The following NRCAM variants were observed in gnomAD, a reference collection of about 807,000 sequenced individuals.
NRCAM encodes the protein neuronal cell adhesion molecule, also known as NgCAM-related cell adhesion molecule.
A neutral mutation model predicts 156.5 loss-of-function variants in NRCAM; 83 were observed. That is an observed-to-expected ratio of 0.53 (90% CI 0.44 to 0.64). The LOEUF (loss-of-function observed/expected upper bound fraction) is 0.64, where lower values mean the gene tolerates loss of function less well. NRCAM is among the 30% of genes least tolerant of loss of function. The pLI, the probability that NRCAM is intolerant of heterozygous loss-of-function variation, is 0.00. For missense variants in NRCAM, 1,417 were observed against 1,597.3 expected (o/e 0.89, Z 1.92); for synonymous variants, 538 against 563.9 (o/e 0.95, Z 0.65).
At chr7:108,405,693 G>A (rs958087924) in intron 1 of NRCAM, among the ~76,000 whole-genome samples, 2 of 151,164 alleles carry the variant, frequency 1.3e-5, no homozygotes, top group African/African-American at 2.4e-5. Context: ...ATGACATTAC[G>A]TTTTAGTTAA....
intron 19 of NRCAM, 65 bp from the exon 20 acceptor site, chr7:108,189,811 T>C: frequency 1.4e-6 from 1 of 706,592 alleles, no homozygotes. Context: ...CCTTTACTCG[T>C]GATACTATTC....
intron 14 of NRCAM, 69 bp downstream of exon 14, chr7:108,197,887 C>A: frequency 1.6e-6 from 2 of 1,224,582 alleles, no homozygotes; most frequent in Non-Finnish European, 1.1e-6. Context: ...TATATTTTTG[C>A]TGATTGAACA....
intron 3 of NRCAM, among the ~76,000 whole-genome samples, chr7:108,249,558 T>C (rs1297185657): frequency 6.6e-6 from 1 of 152,226 alleles, no homozygotes; most frequent in Non-Finnish European, 1.5e-5. Context: ...CAAGAAAATT[T>C]ATCAGGTTTA....
intron 2 of NRCAM, among the ~76,000 whole-genome samples, chr7:108,353,052 TAAA>T (rs58322692): frequency 0.095 from 13,687 of 143,714 alleles, 699 homozygotes; most frequent in African/African-American, 0.15. Flanking sequence ...GTGCTCATTG[TAAA>T]AAAAAAAAAA....
chr7:108,376,866 A>G (rs544525701), intron 2 of NRCAM, among the ~76,000 whole-genome samples: 39 of 152,306 alleles, frequency 2.6e-4, no homozygotes, highest in African/African-American at 9.1e-4. Context: ...TTAATAGAAT[A>G]ACTTTGAGAG....
At chr7:108,429,340 C>T (rs530180179) in intron 1 of NRCAM, among the ~76,000 whole-genome samples, 9 of 152,192 alleles carry the variant, frequency 5.9e-5, no homozygotes, top group African/African-American at 1.9e-4. Flanking sequence ...TACAGATGCC[C>T]GCCACCACGC....
rs139905701 is a variant in NRCAM at position 108,356,505 on chromosome 7, C to G, written c.-174+42931G>C. Reference sequence around the variant, plus strand: ...TACTGTATACCTTTTTTACAAATGTCCCAACAGCAGGATGTTCATGGCTGT... The same window carrying G: ...TACTGTATACCTTTTTTACAAATGTGCCAACAGCAGGATGTTCATGGCTGT... On this transcript the variant is annotated intron_variant, in intron 2 of 32. Transcript: ENST00000379028. 3.4e-3 allele frequency among the ~76,000 whole-genome samples: 520 copies of G among 152,150 alleles called. 3 individuals carry two copies. The highest frequency in any genetic ancestry group is 0.012 in the African/African-American group (479 of 41,508).
chr7:108,293,637 A>G (rs566200175), intron 3 of NRCAM, among the ~76,000 whole-genome samples: 1 of 152,328 alleles, frequency 6.6e-6, no homozygotes, highest in East Asian at 1.9e-4. Context: ...AGTAAATTTG[A>G]TAACTGCCAA....
intron 14 of NRCAM, 70 bp downstream of exon 14, chr7:108,197,886 G>A: frequency 8.4e-7 from 1 of 1,196,070 alleles, no homozygotes; most frequent in Non-Finnish European, 1.1e-6. Context: ...ATATATTTTT[G>A]CTGATTGAAC....
At chr7:108,162,109 G>A (rs1450679356) in intron 30 of NRCAM, among the ~76,000 whole-genome samples, 1 of 152,222 alleles carries the variant, frequency 6.6e-6, no homozygotes, top group Non-Finnish European at 1.5e-5. Flanking sequence ...GTAGGCATCA[G>A]AAATAAATCC....
At chr7:108,194,212 A>T (rs2073671665) in intron 16 of NRCAM, 41 bp from the exon 17 acceptor site, 1 of 1,611,710 alleles carries the variant, frequency 6.2e-7, no homozygotes, top group Non-Finnish European at 8.5e-7. Context: ...GCAAAGCTGG[A>T]GAATTTGTTC....
chr7:108,314,847 C>A (rs2098874885), intron 2 of NRCAM, among the ~76,000 whole-genome samples: 1 of 152,114 alleles, frequency 6.6e-6, no homozygotes, highest in Admixed American at 6.6e-5. Context: ...CAGGCAAAAA[C>A]TTGCAAAATC....
chr7:108,308,918 T>C (rs889327747), intron 3 of NRCAM, among the ~76,000 whole-genome samples: 3 of 152,336 alleles, frequency 2.0e-5, no homozygotes, highest in Non-Finnish European at 4.4e-5. Flanking sequence ...AACTCAGAGA[T>C]AAATATCAGG....
intron 13 of NRCAM, among the ~76,000 whole-genome samples, chr7:108,204,554 T>C (rs890001314): frequency 3.2e-4 from 48 of 152,340 alleles, no homozygotes; most frequent in Non-Finnish European, 1.3e-4. Context: ...CACAGTACCT[T>C]GGTATAAACA....
intron 2 of NRCAM, among the ~76,000 whole-genome samples, chr7:108,349,109 A>ATC (rs1376453609): frequency 6.6e-6 from 1 of 152,146 alleles, no homozygotes; most frequent in Non-Finnish European, 1.5e-5. Context: ...GATGAGTAAT[A>ATC]GAGTGTGACT....
intron 26 of NRCAM, among the ~76,000 whole-genome samples, chr7:108,177,346 G>A (rs1055739331): frequency 2.0e-5 from 3 of 152,134 alleles, no homozygotes; most frequent in Admixed American, 1.3e-4. Flanking sequence ...AGGGAAGGCT[G>A]GGCGCAGTGG....
intron 2 of NRCAM, among the ~76,000 whole-genome samples, chr7:108,392,978 T>C (rs567592473): frequency 7.2e-5 from 11 of 152,202 alleles, no homozygotes; most frequent in African/African-American, 2.2e-4. Flanking sequence ...CTGCCCCTAC[T>C]TGGGGGTGCC....
At chr7:108,239,933 A>G (rs371652001) in intron 4 of NRCAM, 26 bp downstream of exon 4, 41 of 1,483,556 alleles carry the variant, frequency 2.8e-5, no homozygotes, top group Non-Finnish European at 3.4e-5. Context: ...TCCTGGGCCT[A>G]ACAGCTTTAA....
intron 1 of NRCAM, among the ~76,000 whole-genome samples, chr7:108,442,286 C>T (rs971243151): frequency 6.6e-6 from 1 of 152,144 alleles, no homozygotes; most frequent in Non-Finnish European, 1.5e-5. Flanking sequence ...GTAATTGATA[C>T]TCTGCCATTC....
Sources: gnomAD v4.1 joint callset for allele counts (sites outside exome capture counted in the v4.1 genomes callset) on GRCh38, gnomAD v4.1.1 for gene constraint, MANE v1.5 for transcripts, NCBI Gene and HGNC (gene_info 2026-07-23, HGNC 2026-07-21) for gene names.